GABBR1: variants seen among roughly 807,000 people sequenced by gnomAD.
GABBR1 encodes GABA-B receptor, R1 subunit.
A neutral mutation model predicts 117.7 loss-of-function variants in GABBR1; 35 were observed. The observed-to-expected ratio is 0.30, with a 90% confidence interval of 0.23 to 0.39. GABBR1 has a LOEUF of 0.39. Among genes scored for constraint, GABBR1 ranks in the 10% least tolerant of loss-of-function variants. GABBR1 has a pLI of 1.00. For synonymous variants in GABBR1, 442 were observed against 486.6 expected (o/e 0.91, Z 1.21); for missense variants, 709 against 1,241.8 (o/e 0.57, Z 6.45).
At chr6:29,610,653 T>C (rs1272589668) in intron 14 of GABBR1, among the ~76,000 whole-genome samples, 1 of 151,628 alleles carries the variant, frequency 6.6e-6, no homozygotes, top group East Asian at 1.9e-4. Context: ...TCCCGCCCTC[T>C]GCCCACCCCC....
chr6:29,609,805 T>C lies in GABBR1; in HGVS notation c.1709-426A>G, dbSNP rs554308733. 1.3e-5 allele frequency among the ~76,000 whole-genome samples: 2 copies of C among 151,906 alleles called. No homozygotes were observed. Among genetic ancestry groups the C allele is most frequent in the Non-Finnish European group, 2.9e-5 (2 of 67,986 alleles). The stretch of plus-strand genomic sequence containing the variant: ...GTTTTAAATGACAATTATGGAATCA[T>C]AAAGCTAAAAAGGCCTTGAAGTATC... On this transcript the variant is annotated intron_variant, in intron 14 of 22. Coordinates refer to ENST00000377034, the MANE Select transcript of GABBR1 (RefSeq NM_001470.4). This position sits in a 1 kb window ranked among gnomAD's most constrained non-coding sequence, Gnocchi z 4.3.
rs1762716686 is a variant in GABBR1 at position 29,613,052 on chromosome 6, A to G, written c.1566+191T>C. ...GAGGGGAGGGGTTTAAAAAAATGGA[A>G]TACATCATTTTTTTTCCTCTAGTCT... On this transcript the variant is annotated intron_variant, in intron 12 of 22. Coordinates refer to ENST00000377034, the MANE Select transcript of GABBR1 (RefSeq NM_001470.4). The surrounding 1 kb of genome is among the most constrained non-coding windows in gnomAD (Gnocchi z 4.1). 6.6e-6 allele frequency among the ~76,000 whole-genome samples: 1 copy of G among 152,212 alleles called. No individual in the cohort carries two copies. Among genetic ancestry groups the G allele is most frequent in the South Asian group, 2.1e-4 (1 of 4,824 alleles).
chr6:29,631,654 G>A lies in GABBR1; in HGVS notation c.86-55C>T. ...GAGGAATGGTGGGAAAGAGGAAAAGGCAGGCTCCCCAGTGGGAGGAAGGGG... is the reference window on the plus strand; with the variant it reads ...GAGGAATGGTGGGAAAGAGGAAAAGACAGGCTCCCCAGTGGGAGGAAGGGG... On this transcript the variant is annotated intron_variant, in intron 2 of 22. Coordinates refer to ENST00000377034, the MANE Select transcript of GABBR1 (RefSeq NM_001470.4). This position sits in a 1 kb window ranked among gnomAD's most constrained non-coding sequence, Gnocchi z 5.9. The A allele has an allele frequency of 3.3e-6, 5 of 1,535,398 alleles. No homozygotes were observed. The highest frequency in any genetic ancestry group is 4.5e-6 in the Non-Finnish European group (5 of 1,109,468).
intron 14 of GABBR1, 65 bp downstream of exon 14, chr6:29,610,859 A>C: frequency 1.5e-6 from 2 of 1,369,220 alleles, no homozygotes; most frequent in Middle Eastern, 1.8e-4. Flanking sequence ...CCTCACTCAA[A>C]GGCATGACTT....
chr6:29,627,018 C>T lies in GABBR1; in HGVS notation c.657+468G>A, dbSNP rs916856173. 6.6e-6 allele frequency among the ~76,000 whole-genome samples: 1 copy of T among 152,000 alleles called. No individual in the cohort carries two copies. Among genetic ancestry groups the T allele is most frequent in the Non-Finnish European group, 1.5e-5 (1 of 67,998 alleles). ...AGCTCTCAAGTCTCTCAAAATTTTC[C>T]TCATTCTGTCCCTATTCCTTCCAGC... is the stretch of plus-strand genomic sequence containing the variant. On this transcript the variant is annotated intron_variant, in intron 6 of 22. Coordinates refer to ENST00000377034, the MANE Select transcript of GABBR1 (RefSeq NM_001470.4). This position sits in a 1 kb window ranked among gnomAD's most constrained non-coding sequence, Gnocchi z 4.4.
Position 29,632,236 on chromosome 6 carries a change from T to G in GABBR1, c.85+65A>C. 2.1e-6 allele frequency: 2 copies of G among 958,662 alleles called. No individual in the cohort carries two copies. The highest frequency in any genetic ancestry group is 1.5e-6 in the Non-Finnish European group (1 of 683,384). The allele number at this position is 958,662 out of a possible 1,614,324, so 59.4% of individuals were successfully genotyped here. ...ATGGGATAGTGATGAGGACCAGAAA[T>G]GAGGAGATGCAGGGAAAGGGAAGTG... On this transcript the variant is annotated intron_variant, in intron 2 of 22. Coordinates refer to ENST00000377034, the MANE Select transcript of GABBR1 (RefSeq NM_001470.4). The surrounding 1 kb of genome is among the most constrained non-coding windows in gnomAD (Gnocchi z 5.8).
chr6:29,631,328 G>T lies in GABBR1; in HGVS notation c.289+68C>A. Reference sequence around the variant, plus strand: ...GATTTAAAGTGCTGACTTGCAAGCAGTAATGCTAAGTTTGCGGCAGGAAAA... The same window carrying T: ...GATTTAAAGTGCTGACTTGCAAGCATTAATGCTAAGTTTGCGGCAGGAAAA... On this transcript the variant is annotated intron_variant, in intron 3 of 22. Transcript: ENST00000377034. This position sits in a 1 kb window ranked among gnomAD's most constrained non-coding sequence, Gnocchi z 5.9. 3 of 1,463,024 alleles carry T rather than the reference G, an allele frequency of 2.1e-6. No homozygotes were observed. Among genetic ancestry groups the T allele is most frequent in the Non-Finnish European group, 2.9e-6 (3 of 1,047,994 alleles). The allele number at this position is 1,463,024 out of a possible 1,614,324, so 90.6% of individuals were successfully genotyped here.
At chr6:29,629,425 C>T (rs1764733097) in intron 4 of GABBR1, among the ~76,000 whole-genome samples, 2 of 152,158 alleles carry the variant, frequency 1.3e-5, no homozygotes, top group African/African-American at 4.8e-5. Flanking sequence ...AAAAAAATTA[C>T]ACATACAATT....
In GABBR1 at chr6:29,625,577, C is replaced by A. The variant is rs910064240; in HGVS notation, c.658-1553G>T. On this transcript the variant is annotated intron_variant, in intron 6 of 22. Transcript: ENST00000377034. ...GTTCTCCTCCCTCTCTTTGCTCTTG[C>A]AAGGATCTGGATTTGCAGGCAGGAA... Among the ~76,000 whole-genome samples, 4 of 152,154 alleles carry A rather than the reference C, an allele frequency of 2.6e-5. No individual in the cohort carries two copies. The East Asian group carries it at 5.8e-4, about 22-fold the overall frequency.
Position 29,621,854 on chromosome 6 carries a change from C to G in GABBR1, c.1066-37G>C. 4 of 1,606,724 alleles carry G rather than the reference C, an allele frequency of 2.5e-6. No homozygotes were observed. The highest frequency in any genetic ancestry group is 3.4e-6 in the Non-Finnish European group (4 of 1,173,504). ...AAAGAAACAGCTCCTGAGGGATGCCCGGGAATGCCTGAGGGGCTAAGCCAG... is the reference window on the plus strand; with the variant it reads ...AAAGAAACAGCTCCTGAGGGATGCCGGGGAATGCCTGAGGGGCTAAGCCAG... On this transcript the variant is annotated intron_variant, in intron 9 of 22. Coordinates refer to ENST00000377034, the MANE Select transcript of GABBR1 (RefSeq NM_001470.4). This position sits in a 1 kb window ranked among gnomAD's most constrained non-coding sequence, Gnocchi z 5.0.
Position 29,604,633 on chromosome 6 carries a change from C to T in GABBR1, c.2573G>A (p.Arg858His), listed in dbSNP as rs745435524. ...CCATTCCCCTCGGGTGATCAGCCTG[C>T]GCATCTGGGGGCAAATGTTTGGGCG... is the stretch of plus-strand genomic sequence containing the variant. ...TLVVLFVPKM[R>H]RLITRGEWQS... Residue 858 changes from arginine to histidine, a missense_variant, in exon 22 of 23, where the codon CGC becomes CAC. By Grantham distance (29) the Arg-to-His change is conservative. This residue lies in a region of GABBR1 where 251 missense variants were observed against 445.3 expected (regional missense o/e 0.56). Transcript: ENST00000377034. This position sits in a 1 kb window ranked among gnomAD's most constrained non-coding sequence, Gnocchi z 5.3. 1.8e-5 allele frequency: 29 copies of T among 1,613,184 alleles called. No homozygotes were observed. The highest frequency in any genetic ancestry group is 2.4e-5 in the Non-Finnish European group (28 of 1,180,038).
At position 29,605,393 on chromosome 6, in the gene GABBR1, C is replaced by T. The variant is rs2127390060; in HGVS notation, c.2439+176G>A. Reference sequence around the variant, plus strand: ...CTGGGTAGTTGCAAGATTAATGATACAATGTCTGTAGTGAGCTTTGTAAAC... The same window carrying T: ...CTGGGTAGTTGCAAGATTAATGATATAATGTCTGTAGTGAGCTTTGTAAAC... On this transcript the variant is annotated intron_variant, in intron 20 of 22. Coordinates refer to ENST00000377034, the MANE Select transcript of GABBR1 (RefSeq NM_001470.4). This position sits in a 1 kb window ranked among gnomAD's most constrained non-coding sequence, Gnocchi z 4.2. The T allele has an allele frequency of 1.4e-6, 1 of 715,948 alleles. No homozygotes were observed. 44.3% of individuals were successfully genotyped at this position (715,948 alleles called of 1,614,324 possible). A position where few individuals can be genotyped will look rare whatever the true frequency, so the allele number is the denominator to read the frequency against.
At chr6:29,608,459 G>A (rs982819099) in intron 16 of GABBR1, 142 bp downstream of exon 16, 10 of 807,940 alleles carry the variant, frequency 1.2e-5, no homozygotes, top group Middle Eastern at 2.8e-4. Context: ...GAGAACAGAG[G>A]GGTGATGCTA....
chr6:29,629,214 A>G, intron 4 of GABBR1, 107 bp from the exon 5 acceptor site: 1 of 1,297,806 alleles, frequency 7.7e-7, no homozygotes, highest in East Asian at 2.4e-5. Context: ...AAGACCGGGG[A>G]GAGCAGAAGC....
Position 29,630,576 on chromosome 6 carries a change from G to A in GABBR1, c.357C>T (p.Leu119=), listed in dbSNP as rs1224714602. The part of the protein sequence containing the change: ...NGKVFLTGGD[L]PALDGARVDF... ...CCACCCGGGCTCCGTCCAGAGCTGGGAGGTCCCCACCCGTCAGGAAAACCT... is the reference window on the plus strand; with the variant it reads ...CCACCCGGGCTCCGTCCAGAGCTGGAAGGTCCCCACCCGTCAGGAAAACCT... Residue 119 remains leucine (L), a synonymous_variant, in exon 4 of 23, where the codon CTC becomes CTT. Coordinates refer to ENST00000377034, the MANE Select transcript of GABBR1 (RefSeq NM_001470.4). The surrounding 1 kb of genome is among the most constrained non-coding windows in gnomAD (Gnocchi z 4.9). 1 of 1,613,088 alleles carries A rather than the reference G, an allele frequency of 6.2e-7. No homozygotes were observed. Among genetic ancestry groups the A allele is most frequent in the Non-Finnish European group, 8.5e-7 (1 of 1,180,028 alleles).
chr6:29,616,803 T>C (rs28359970), intron 11 of GABBR1, among the ~76,000 whole-genome samples: 24,532 of 145,794 alleles, frequency 0.17, 2,307 homozygotes, highest in Middle Eastern at 0.34. Context: ...GCAGCGATTG[T>C]ACCACTGCAC....
At chr6:29,616,160 C>T (rs1763075748) in intron 11 of GABBR1, among the ~76,000 whole-genome samples, 1 of 151,624 alleles carries the variant, frequency 6.6e-6, no homozygotes, top group Non-Finnish European at 1.5e-5. Flanking sequence ...AAGATCGCGC[C>T]ATTGCACTCA....
intron 11 of GABBR1, among the ~76,000 whole-genome samples, chr6:29,614,981 C>CAAAAA (rs202165362): frequency 0.028 from 2,269 of 80,880 alleles, 85 homozygotes; most frequent in East Asian, 0.057. Context: ...TAAAACTGCT[C>CAAAAA]AAAAAAAAAA....
chr6:29,622,226 A>T lies in GABBR1; in HGVS notation c.964-21T>A, dbSNP rs746189947. 2.6e-6 allele frequency: 4 copies of T among 1,562,318 alleles called. No individual in the cohort carries two copies. In the South Asian group the frequency reaches 4.5e-5, roughly 17 times the overall value. On this transcript the variant is annotated intron_variant, in intron 8 of 22. Coordinates refer to ENST00000377034, the MANE Select transcript of GABBR1 (RefSeq NM_001470.4). This position sits in a 1 kb window ranked among gnomAD's most constrained non-coding sequence, Gnocchi z 4.6. ...AGAGTCTTGGGTGGGAATAAAAAAC[A>T]AGTTGGAAAAACACGGGGTGCATGA... is the stretch of plus-strand genomic sequence containing the variant.
Sources: gnomAD v4.1 joint callset for allele counts (sites outside exome capture counted in the v4.1 genomes callset) on GRCh38, gnomAD v4.1.1 for gene constraint, gnomAD v4.1.1 regional missense constraint, Gnocchi (gnomAD v3.1) non-coding constraint, MANE v1.5 for transcripts, NCBI Gene and HGNC (gene_info 2026-07-23, HGNC 2026-07-21) for gene names.